Variants in TUSC3 observed in about 807,000 individuals in gnomAD.
TUSC3 encodes tumor suppressor candidate 3, also known as dolichyl-diphosphooligosaccharide--protein glycosyltransferase subunit TUSC3.
Under a neutral mutation model 44.8 loss-of-function variants are expected in TUSC3, and 45 were observed. That is an observed-to-expected ratio of 1.00 (90% confidence interval 0.79 to 1.29). The LOEUF (loss-of-function observed/expected upper bound fraction) is 1.29, where lower values mean the gene tolerates loss of function less well. Among genes scored for constraint, TUSC3 ranks in the 50% most tolerant of loss-of-function variants. TUSC3 has a pLI of 0.00. For synonymous variants in TUSC3, 212 were observed against 152.9 expected (o/e 1.39, Z -2.85); for missense variants, 519 against 437.9 (o/e 1.19, Z -1.65).
At chr8:15,649,790 A>C (rs955117722) in intron 2 of TUSC3, among the ~76,000 whole-genome samples, 5 of 151,716 alleles carry the variant, frequency 3.3e-5, no homozygotes, top group Non-Finnish European at 7.4e-5. Context: ...TCTGCTGCTG[A>C]CTCTGCTCCA....
intron 6 of TUSC3, among the ~76,000 whole-genome samples, chr8:15,697,256 TTTTG>T (rs1226939118): frequency 6.6e-6 from 1 of 152,190 alleles, no homozygotes; most frequent in Non-Finnish European, 1.5e-5. Flanking sequence ...ATCTTTTGTA[TTTTG>T]TTTTTGTTTC....
At chr8:15,664,316 C>T (rs976976711) in intron 5 of TUSC3, among the ~76,000 whole-genome samples, 1 of 151,468 alleles carries the variant, frequency 6.6e-6, no homozygotes, top group African/African-American at 2.4e-5. Flanking sequence ...TGATTCAACC[C>T]AGTAGATACA....
intron 2 of TUSC3, among the ~76,000 whole-genome samples, chr8:15,490,585 C>CA (rs1283240852): frequency 6.6e-6 from 1 of 152,190 alleles, no homozygotes; most frequent in Non-Finnish European, 1.5e-5. Context: ...AAGCCCAGCT[C>CA]AGACACAAAG....
chr8:15,452,558 C>A (rs577036482), intron 1 of TUSC3, among the ~76,000 whole-genome samples: 1 of 152,026 alleles, frequency 6.6e-6, no homozygotes, highest in Non-Finnish European at 1.5e-5. Flanking sequence ...GAAGAGGAGC[C>A]AAGCTAGTGG....
chr8:15,623,336 A>C (rs1172184334), intron 2 of TUSC3, 87 bp downstream of exon 2: 23 of 1,309,626 alleles, frequency 1.8e-5, no homozygotes, highest in Admixed American at 8.8e-5. Context: ...AAATATATGT[A>C]AGATAAACAG....
chr8:15,787,404 C>T, the TUSC3 span, among the ~76,000 whole-genome samples: 1 of 152,118 alleles, frequency 6.6e-6, no homozygotes, highest in African/African-American at 2.4e-5. Context: ...ATGATTTGGT[C>T]TGCATGAAAT....
the TUSC3 span, among the ~76,000 whole-genome samples, chr8:15,795,293 A>C: frequency 6.6e-6 from 1 of 152,312 alleles, no homozygotes; most frequent in East Asian, 1.9e-4. Context: ...CAAGCAGAAA[A>C]TGTAGGACAA....
chr8:15,562,414 A>T (rs1053789944), intron 1 of TUSC3, among the ~76,000 whole-genome samples: 3 of 152,102 alleles, frequency 2.0e-5, no homozygotes, highest in Non-Finnish European at 2.9e-5. Flanking sequence ...ATAGGATGTA[A>T]AGTGTAAGGG....
intron 1 of TUSC3, among the ~76,000 whole-genome samples, chr8:15,459,336 T>A (rs1209606084): frequency 6.6e-6 from 1 of 152,214 alleles, no homozygotes; most frequent in Non-Finnish European, 1.5e-5. Flanking sequence ...TGTTCATAAC[T>A]GTCAGTATTC....
intron 1 of TUSC3, among the ~76,000 whole-genome samples, chr8:15,467,101 G>C (rs988718400): frequency 6.6e-6 from 1 of 151,952 alleles, no homozygotes; most frequent in Non-Finnish European, 1.5e-5. Context: ...GCCTATTTGG[G>C]AAGGATTCAG....
At chr8:15,831,399 T>C in the TUSC3 span, among the ~76,000 whole-genome samples, 3 of 152,162 alleles carry the variant, frequency 2.0e-5, no homozygotes, top group African/African-American at 7.2e-5. Context: ...GAGTACCTTC[T>C]TTCCTCCAAA....
chr8:15,712,931 C>T (rs1362930369), intron 6 of TUSC3, among the ~76,000 whole-genome samples: 2 of 152,090 alleles, frequency 1.3e-5, no homozygotes, highest in Non-Finnish European at 2.9e-5. Context: ...ATGCGTAGCT[C>T]CATTGATAAT....
intron 2 of TUSC3, among the ~76,000 whole-genome samples, chr8:15,637,816 C>T (rs559790893): frequency 1.7e-3 from 253 of 152,158 alleles, no homozygotes; most frequent in African/African-American, 5.7e-3. Flanking sequence ...TTTTCTCCCC[C>T]GCTCACTTCT....
intron 1 of TUSC3, among the ~76,000 whole-genome samples, chr8:15,546,437 T>C (rs1801865793): frequency 6.6e-6 from 1 of 151,842 alleles, no homozygotes; most frequent in Non-Finnish European, 1.5e-5. Flanking sequence ...ATGGACTATT[T>C]TACAAGAAGT....
chr8:15,669,276 A>T (rs926027992), intron 5 of TUSC3, among the ~76,000 whole-genome samples: 1 of 151,852 alleles, frequency 6.6e-6, no homozygotes, highest in Admixed American at 6.6e-5. Flanking sequence ...TGAATCCAAC[A>T]TTGCTAAAAC....
chr8:15,654,218 T>G (rs1054949025), intron 3 of TUSC3, among the ~76,000 whole-genome samples: 1 of 152,176 alleles, frequency 6.6e-6, no homozygotes. Context: ...ACTTTCAGCT[T>G]TATAATTTTG....
At chr8:15,553,021 G>A (rs1802111119) in intron 1 of TUSC3, among the ~76,000 whole-genome samples, 1 of 151,666 alleles carries the variant, frequency 6.6e-6, no homozygotes, top group South Asian at 2.1e-4. Context: ...GAGAGAAAAG[G>A]AGACAAGGGT....
rs1420296940 is a variant in TUSC3, at chr8:15,766,622, G to C, written c.*2466G>C. The C allele has an allele frequency of 1.3e-5, 2 of 152,050 alleles. No individual in the cohort carries two copies. The highest frequency in any genetic ancestry group is 2.9e-5 in the Non-Finnish European group (2 of 68,004). 9.4% of individuals were successfully genotyped at this position (152,050 alleles called of 1,614,324 possible). ...GCTTAACATACTGTTCCTGGCATTA[G>C]ATATTCACATGAGTAAGCCCAGTAG... On this transcript the variant is annotated 3_prime_UTR_variant, in exon 11 of 11. Transcript: ENST00000503731.
chr8:15,616,469 C>T (rs776215536), intron 1 of TUSC3, among the ~76,000 whole-genome samples: 3 of 152,100 alleles, frequency 2.0e-5, no homozygotes, highest in Admixed American at 6.6e-5. Flanking sequence ...TCAGTCTACT[C>T]GGGAAGCTGA....
Sources: gnomAD v4.1 joint callset for allele counts (sites outside exome capture counted in the v4.1 genomes callset) on GRCh38, gnomAD v4.1.1 for gene constraint, MANE v1.5 for transcripts, NCBI Gene and HGNC (gene_info 2026-07-23, HGNC 2026-07-21) for gene names.